CHAF1B: variants seen among roughly 807,000 people sequenced by gnomAD.
CHAF1B encodes CAF-1 subunit B.
Under a neutral mutation model 60.7 loss-of-function variants are expected in CHAF1B, and 10 were observed. The observed-to-expected ratio is 0.16, with a 90% CI of 0.10 to 0.28. The LOEUF is 0.28. Among genes scored for constraint, CHAF1B ranks in the 10% least tolerant of loss-of-function variants. The pLI, the probability that CHAF1B is intolerant of heterozygous loss-of-function variation, is 1.00. For missense variants in CHAF1B, 558 were observed against 708.4 expected, an observed-to-expected ratio of 0.79 and a Z score of 2.41; for synonymous variants, 261 against 266.1, an observed-to-expected ratio of 0.98 and a Z score of 0.19.
At chr21:36,399,175 C>T (rs1190062441) in intron 6 of CHAF1B, among the ~76,000 whole-genome samples, 1 of 151,860 alleles carries the variant, frequency 6.6e-6, no homozygotes, top group Non-Finnish European at 1.5e-5. Context: ...GCAGGGATTA[C>T]AGGCGCCCAC....
At chr21:36,398,719 G>A (rs2086163103) in intron 6 of CHAF1B, among the ~76,000 whole-genome samples, 1 of 152,164 alleles carries the variant, frequency 6.6e-6, no homozygotes, top group South Asian at 2.1e-4. Context: ...TGTGCTTTCT[G>A]AAAAGAAGTC....
Position 36,411,455 on chromosome 21 carries a change from A to C in CHAF1B, c.920-8A>C, listed in dbSNP as rs760088106. 1.3e-5 allele frequency: 21 copies of C among 1,612,570 alleles called. No individual in the cohort carries two copies. The highest frequency in any genetic ancestry group is 1.7e-5 in the Non-Finnish European group (20 of 1,179,700). ...TGGTTTTACTTTGTCTCTGTCCCCA[A>C]CCCCCAGGTGTGGAGCTGATGAGTC... On this transcript the variant is annotated splice_region_variant and splice_polypyrimidine_tract_variant and intron_variant, in intron 10 of 13. Transcript: ENST00000314103.
rs1235757221 is a variant in CHAF1B at position 36,386,068 on chromosome 21, AGCTTT to A, written c.-68_-64del. 6.3e-7 allele frequency: 1 copy of A among 1,591,720 alleles called. No individual in the cohort carries two copies. Among genetic ancestry groups the A allele is most frequent in the East Asian group, 2.2e-5 (1 of 44,614 alleles). On this transcript the variant is annotated 5_prime_UTR_variant, in exon 2 of 14. Transcript: ENST00000314103. ...GTTTAATCCATCACCAGCATTTTGC[AGCTTT>A]CTCCTGTCTTGAAGAAGTAGAACGG...
Position 36,415,324 on chromosome 21 carries a change from A to G in CHAF1B, c.1523A>G (p.Asp508Gly). 1.2e-6 allele frequency: 2 copies of G among 1,612,652 alleles called. No individual in the cohort carries two copies. Among genetic ancestry groups the G allele is most frequent in the Non-Finnish European group, 1.7e-6 (2 of 1,178,854 alleles). The stretch of plus-strand genomic sequence containing the variant: ...ATAAACTTAACACCCTTAAAGACGG[A>G]CACTCCACCAAGTTCTGTACCAACC... ...RRINLTPLKT[D>G]TPPSSVPTSV... The change falls in exon 13 of 14, where the codon GAC (aspartate) becomes GGC (glycine). Residue 508 changes from aspartate (D) to glycine (G), a missense_variant. Physicochemically the swap from Asp to Gly is moderately conservative, Grantham distance 94. This residue lies in a region of CHAF1B where 233 missense variants were observed against 214.9 expected (regional missense o/e 1.08). Coordinates refer to ENST00000314103, the MANE Select transcript of CHAF1B (RefSeq NM_005441.3).
intron 7 of CHAF1B, 69 bp from the exon 8 acceptor site, chr21:36,402,689 A>G: frequency 7.5e-7 from 1 of 1,327,202 alleles, no homozygotes; most frequent in Non-Finnish European, 1.1e-6. Flanking sequence ...AAGATTTGGA[A>G]AAATGTTTAA....
chr21:36,406,748 T>C (rs954792269), intron 8 of CHAF1B, among the ~76,000 whole-genome samples: 5 of 152,190 alleles, frequency 3.3e-5, no homozygotes, highest in African/African-American at 1.2e-4. Flanking sequence ...TCTCTTAGCA[T>C]TTTTCAGGAA....
chr21:36,394,447 C>G, intron 4 of CHAF1B, 100 bp from the exon 5 acceptor site: 1 of 741,412 alleles, frequency 1.3e-6, no homozygotes, highest in Admixed American at 2.3e-5. Context: ...TGACCACAGG[C>G]AGTCTGTCTA....
intron 11 of CHAF1B, 185 bp from the exon 12 acceptor site, chr21:36,412,699 C>T: frequency 1.6e-6 from 1 of 616,588 alleles, no homozygotes; most frequent in South Asian, 2.0e-5. Context: ...AGATAGGTTG[C>T]AGCGACTTAG....
intron 3 of CHAF1B, among the ~76,000 whole-genome samples, chr21:36,389,800 T>TGTGTGTGTGTGCGCGTGC: frequency 1.6e-5 from 2 of 124,746 alleles, no homozygotes; most frequent in Non-Finnish European, 3.2e-5. Context: ...TGTGTGTGTG[T>TGTGTGTGTGTGCGCGTGC]GCGCGCGCAC....
chr21:36,395,370 A>G lies in CHAF1B; in HGVS notation c.481+720A>G, dbSNP rs370114112. On this transcript the variant is annotated intron_variant, in intron 5 of 13. Coordinates refer to ENST00000314103, the MANE Select transcript of CHAF1B (RefSeq NM_005441.3). ...GCCTACTTGCTTTAACTTTAAAAGC[A>G]ACACAAAAAATTGTTTTAGTGAACT... 1.6e-4 allele frequency among the ~76,000 whole-genome samples: 24 copies of G among 152,368 alleles called. No individual in the cohort carries two copies. In the East Asian group the frequency reaches 4.4e-3, roughly 28 times the overall value.
At chr21:36,414,482 C>G (rs1372759361) in intron 12 of CHAF1B, among the ~76,000 whole-genome samples, 1 of 152,134 alleles carries the variant, frequency 6.6e-6, no homozygotes, top group Non-Finnish European at 1.5e-5. Context: ...GAAGGTATTC[C>G]TTGAACTATT....
At chr21:36,412,623 A>G (rs916556295) in intron 11 of CHAF1B, 2 of 405,352 alleles carry the variant, frequency 4.9e-6, no homozygotes, top group Non-Finnish European at 9.0e-6. Context: ...TGGCCTCCCA[A>G]AGTGCTGGGA....
At chr21:36,401,248 C>T (rs369164121) in intron 7 of CHAF1B, among the ~76,000 whole-genome samples, 44 of 149,396 alleles carry the variant, frequency 2.9e-4, no homozygotes, top group African/African-American at 1.0e-3. Flanking sequence ...GCCTGGGCAA[C>T]AAGAGCGAAA....
In CHAF1B at chr21:36,413,093, C is replaced by T. The variant is rs376201329; in HGVS notation, c.1271C>T (p.Thr424Ile). 9 of 1,614,140 alleles carry T rather than the reference C, an allele frequency of 5.6e-6. No homozygotes were observed. In the African/African-American group the frequency reaches 6.7e-5, roughly 12 times the overall value. ...GTAGAGGGAACCCCTGCCAGCAGAA[C>T]CCAAGACCCCAGCAGCCCCGGCACG... is the stretch of plus-strand genomic sequence containing the variant. Reference protein sequence around the residue: ...RPVEGTPASRTQDPSSPGTTP... With the variant: ...RPVEGTPASRIQDPSSPGTTP... The change falls in exon 12 of 14, where the codon ACC (threonine) becomes ATC (isoleucine). Residue 424 changes from threonine (T) to isoleucine (I), a missense_variant. Coordinates refer to ENST00000314103, the MANE Select transcript of CHAF1B (RefSeq NM_005441.3).
intron 8 of CHAF1B, among the ~76,000 whole-genome samples, chr21:36,403,088 G>C (rs1372895508): frequency 6.6e-6 from 1 of 152,108 alleles, no homozygotes; most frequent in East Asian, 1.9e-4. Flanking sequence ...ATTTTAAGAA[G>C]ATTTCCAAGT....
rs931513904 is a variant in CHAF1B, at chr21:36,417,812, C to G, written c.*1446C>G. 1 of 152,030 alleles carries G rather than the reference C, an allele frequency of 6.6e-6. No individual in the cohort carries two copies. Among genetic ancestry groups the G allele is most frequent in the Non-Finnish European group, 1.5e-5 (1 of 68,024 alleles). 9.4% of individuals were successfully genotyped at this position (152,030 alleles called of 1,614,324 possible). Reference sequence around the variant, plus strand: ...GGTGGTTCTCAACTGTAGCTGCATACTGAAATCACCTAAGAGCTGACATAC... The same window carrying G: ...GGTGGTTCTCAACTGTAGCTGCATAGTGAAATCACCTAAGAGCTGACATAC... On this transcript the variant is annotated 3_prime_UTR_variant, in exon 14 of 14. Coordinates refer to ENST00000314103, the MANE Select transcript of CHAF1B (RefSeq NM_005441.3).
chr21:36,410,947 G>A (rs1359887639), intron 10 of CHAF1B, among the ~76,000 whole-genome samples: 9 of 152,014 alleles, frequency 5.9e-5, no homozygotes, highest in Non-Finnish European at 1.2e-4. Context: ...ATAGAGTGCA[G>A]TTATAATAGC....
rs377536630 is a variant in CHAF1B at position 36,409,486 on chromosome 21, G to A, written c.919+21G>A. On this transcript the variant is annotated intron_variant, in intron 10 of 13. Coordinates refer to ENST00000314103, the MANE Select transcript of CHAF1B (RefSeq NM_005441.3). ...AACAGGTATCCTCAGAGCCTCAGGG[G>A]TGTGTTATGTTTTCTCTCCGAAACA... 1.1e-5 allele frequency: 17 copies of A among 1,582,504 alleles called. No individual in the cohort carries two copies. In the African/African-American group the frequency reaches 1.1e-4, roughly 10 times the overall value.
intron 11 of CHAF1B, 135 bp downstream of exon 11, chr21:36,411,739 AT>A: frequency 6.4e-6 from 7 of 1,087,852 alleles, no homozygotes; most frequent in Admixed American, 4.8e-5. Context: ...TTTCTTATTT[AT>A]TTTTTTGAGA....
Sources: gnomAD v4.1 joint callset for allele counts (sites outside exome capture counted in the v4.1 genomes callset) on GRCh38, gnomAD v4.1.1 for gene constraint, gnomAD v4.1.1 regional missense constraint, MANE v1.5 for transcripts, NCBI Gene and HGNC (gene_info 2026-07-23, HGNC 2026-07-21) for gene names.